VWA8: variants seen among roughly 807,000 people sequenced by gnomAD.
VWA8 encodes von Willebrand factor A domain-containing protein 8.
VWA8 carries 221 observed loss-of-function variants against 241.5 expected under a neutral mutation model. That is an observed-to-expected ratio of 0.91 (90% CI 0.82 to 1.02). The LOEUF is 1.02. VWA8 is among the 50% of genes least tolerant of loss of function. The probability of loss-of-function intolerance (pLI) is 0.00; values close to 1 mark genes in which losing one functional copy is unlikely to be tolerated. For synonymous variants in VWA8, 852 were observed against 827.1 expected (o/e 1.03, Z -0.52); for missense variants, 2,322 against 2,328.7 (o/e 1.00, Z 0.06).
In VWA8 at chr13:41,742,785, T is replaced by G. The variant is rs145522802; in HGVS notation, c.2427-10630A>C. ...AACTCACAAACACATGAGATCCAAA[T>G]GGAAGAAGTGCAATACTGACTGCAT... On this transcript the variant is annotated intron_variant, in intron 21 of 44. Coordinates refer to ENST00000379310, the MANE Select transcript of VWA8 (RefSeq NM_015058.2). Among the ~76,000 whole-genome samples the G allele has an allele frequency of 3.2e-3, 486 of 152,282 alleles. 1 individual carries two copies. Among genetic ancestry groups the G allele is most frequent in the Non-Finnish European group, 5.2e-3 (353 of 68,022 alleles).
intron 38 of VWA8, 126 bp from the exon 39 acceptor site, chr13:41,611,858 A>G (rs1056576746): frequency 1.7e-5 from 18 of 1,068,900 alleles, no homozygotes; most frequent in Admixed American, 1.4e-4. Flanking sequence ...TTAAACAGTC[A>G]AATTACCTTC....
At chr13:41,581,626 T>G (rs908001943) in intron 42 of VWA8, among the ~76,000 whole-genome samples, 1 of 152,148 alleles carries the variant, frequency 6.6e-6, no homozygotes. Flanking sequence ...AGGTTCTTGT[T>G]ACACTGTTAG....
chr13:41,956,980 T>A (rs527570568), intron 1 of VWA8, among the ~76,000 whole-genome samples: 1 of 152,298 alleles, frequency 6.6e-6, no homozygotes, highest in Non-Finnish European at 1.5e-5. Flanking sequence ...GTGGCTCAAA[T>A]CTGTAATCCC....
chr13:41,575,723 TA>T lies in VWA8; in HGVS notation c.5370+16del. On this transcript the variant is annotated intron_variant, in intron 43 of 44. Coordinates refer to ENST00000379310, the MANE Select transcript of VWA8 (RefSeq NM_015058.2). The stretch of plus-strand genomic sequence containing the variant: ...GATAGAAGCTTTCATAATACAGAGG[TA>T]ATAAAATATATTTACCTTCAGAATT... The T allele has an allele frequency of 6.4e-7, 1 of 1,572,124 alleles. No individual in the cohort carries two copies. Among genetic ancestry groups the T allele is most frequent in the Non-Finnish European group, 8.7e-7 (1 of 1,144,794 alleles).
chr13:41,616,978 A>G, intron 37 of VWA8, among the ~76,000 whole-genome samples: 1 of 152,198 alleles, frequency 6.6e-6, no homozygotes, highest in East Asian at 1.9e-4. Context: ...ATAAATCTAT[A>G]TGAGTCTGGG....
At chr13:41,900,037 G>A (rs1253967249) in intron 4 of VWA8, among the ~76,000 whole-genome samples, 2 of 152,152 alleles carry the variant, frequency 1.3e-5, no homozygotes, top group Non-Finnish European at 2.9e-5. Context: ...CTGGCTCACA[G>A]CAGGCTATTA....
intron 38 of VWA8, among the ~76,000 whole-genome samples, chr13:41,612,594 C>G (rs892736975): frequency 1.3e-5 from 2 of 152,038 alleles, no homozygotes; most frequent in East Asian, 1.9e-4. Context: ...ACTACATGGA[C>G]CAGAGAAAAA....
At chr13:41,890,854 G>C (rs780848273) in intron 5 of VWA8, among the ~76,000 whole-genome samples, 1 of 152,230 alleles carries the variant, frequency 6.6e-6, no homozygotes, top group African/African-American at 2.4e-5. Context: ...GCTGTGTTGA[G>C]ACCAGTGTCA....
chr13:41,876,424 G>A (rs1219995317), intron 9 of VWA8, among the ~76,000 whole-genome samples: 2 of 151,930 alleles, frequency 1.3e-5, no homozygotes, highest in East Asian at 3.9e-4. Flanking sequence ...TTTTCCTACA[G>A]TTCCCAGGTG....
chr13:41,747,593 C>T (rs2045618595), intron 21 of VWA8, among the ~76,000 whole-genome samples: 2 of 152,204 alleles, frequency 1.3e-5, no homozygotes, highest in South Asian at 4.2e-4. Context: ...CCTTTATTTC[C>T]TTCTCCTGCC....
At chr13:41,784,478 C>T (rs1302612985) in intron 18 of VWA8, among the ~76,000 whole-genome samples, 1 of 151,686 alleles carries the variant, frequency 6.6e-6, no homozygotes, top group Non-Finnish European at 1.5e-5. Flanking sequence ...GCCTGGGTAA[C>T]ACAGAGAGAC....
At chr13:41,733,713 T>G (rs1377689131) in intron 21 of VWA8, among the ~76,000 whole-genome samples, 2 of 152,076 alleles carry the variant, frequency 1.3e-5, no homozygotes, top group African/African-American at 4.8e-5. Flanking sequence ...AATTCGGCCC[T>G]TAACACACTA....
chr13:41,887,470 G>A (rs1874604139), intron 5 of VWA8, 109 bp from the exon 6 acceptor site: 1 of 1,208,672 alleles, frequency 8.3e-7, no homozygotes, highest in Non-Finnish European at 1.1e-6. Flanking sequence ...AACTGTATTG[G>A]AGAACACTCT....
chr13:41,611,799 T>C, intron 38 of VWA8, 67 bp from the exon 39 acceptor site: 5 of 1,587,286 alleles, frequency 3.2e-6, no homozygotes, highest in Admixed American at 1.7e-5. Flanking sequence ...AGTTGGGTCA[T>C]GGTTTTAGGA....
chr13:41,777,135 A>C (rs1228140099), intron 20 of VWA8, among the ~76,000 whole-genome samples: 1 of 152,230 alleles, frequency 6.6e-6, no homozygotes, highest in African/African-American at 2.4e-5. Flanking sequence ...AGTGTCTACT[A>C]TGTAACAGGT....
intron 26 of VWA8, chr13:41,719,320 C>A (rs1183413047): frequency 8.0e-7 from 1 of 1,246,676 alleles, no homozygotes; most frequent in Non-Finnish European, 1.0e-6. Context: ...AGTAATTCAA[C>A]AAAAGGACTG....
At chr13:41,951,934 A>G (rs1166093850) in intron 1 of VWA8, among the ~76,000 whole-genome samples, 1 of 152,218 alleles carries the variant, frequency 6.6e-6, no homozygotes, top group African/African-American at 2.4e-5. Context: ...AGGACTACAC[A>G]CAAAGCTAAA....
chr13:41,594,776 C>T (rs1461516807), intron 40 of VWA8, among the ~76,000 whole-genome samples: 1 of 152,142 alleles, frequency 6.6e-6, no homozygotes, highest in Non-Finnish European at 1.5e-5. Context: ...AAACATTACA[C>T]TATATAGAAA....
At chr13:41,573,486 A>ATATAT (rs1555303592) in intron 43 of VWA8, among the ~76,000 whole-genome samples, 1 of 113,600 alleles carries the variant, frequency 8.8e-6, no homozygotes, top group East Asian at 2.6e-4. Flanking sequence ...AAAAAAAAAA[A>ATATAT]ATATATATAT....
Sources: allele counts gnomAD v4.1 joint callset (sites outside exome capture counted in the v4.1 genomes callset), GRCh38; gene constraint gnomAD v4.1.1; transcripts MANE v1.5; gene names NCBI Gene and HGNC (gene_info 2026-07-23, HGNC 2026-07-21).